ATRN: variants seen among roughly 807,000 people sequenced by gnomAD.
The protein encoded by ATRN is attractin-2.
Under a neutral mutation model 178.7 loss-of-function variants are expected in ATRN, and 54 were observed. The ratio of observed to expected loss-of-function variants is 0.30; its 90% CI spans 0.24 to 0.38. The LOEUF (loss-of-function observed/expected upper bound fraction) is 0.38, where lower values mean the gene tolerates loss of function less well. Among genes scored for constraint, ATRN ranks in the 10% least tolerant of loss-of-function variants. The pLI is 1.00. For missense variants in ATRN, 1,443 were observed against 1,815.1 expected (o/e 0.79, Z 3.73); for synonymous variants, 636 against 663.0 (o/e 0.96, Z 0.63).
chr20:3,538,201 T>C (rs1360696947), intron 2 of ATRN, among the ~76,000 whole-genome samples: 1 of 151,622 alleles, frequency 6.6e-6, no homozygotes, highest in African/African-American at 2.4e-5. Flanking sequence ...TTTTAACTGC[T>C]TAATCAAGAT....
intron 25 of ATRN, among the ~76,000 whole-genome samples, chr20:3,626,557 G>C (rs900754764): frequency 3.9e-5 from 6 of 152,028 alleles, no homozygotes; most frequent in South Asian, 2.1e-4. Flanking sequence ...TTTCTTCTCT[G>C]TCAGTTTCGG....
At chr20:3,511,462 T>G (rs1237966179) in intron 1 of ATRN, among the ~76,000 whole-genome samples, 1 of 151,920 alleles carries the variant, frequency 6.6e-6, no homozygotes, top group Non-Finnish European at 1.5e-5. Context: ...ATAAGCTACA[T>G]TTTCAGTTTG....
intron 25 of ATRN, among the ~76,000 whole-genome samples, 185 bp downstream of exon 25, chr20:3,624,757 CAA>C (rs1363890991): frequency 6.6e-6 from 1 of 152,328 alleles, no homozygotes; most frequent in African/African-American, 2.4e-5. Context: ...TCTAGCATGA[CAA>C]AGTGAAAACG....
intron 1 of ATRN, among the ~76,000 whole-genome samples, chr20:3,495,269 T>G (rs2084862596): frequency 6.6e-6 from 1 of 152,206 alleles, no homozygotes. Flanking sequence ...CTTTAACACT[T>G]AGAAATTACA....
intron 1 of ATRN, among the ~76,000 whole-genome samples, chr20:3,485,270 A>G (rs2084674726): frequency 6.6e-6 from 1 of 152,148 alleles, no homozygotes. Flanking sequence ...CATGCTGCCA[A>G]TAAGTTGTGA....
At chr20:3,572,636 G>A (rs2086141842) in intron 11 of ATRN, 95 bp from the exon 12 acceptor site, 1 of 1,081,556 alleles carries the variant, frequency 9.2e-7, no homozygotes, top group African/African-American at 1.8e-5. Context: ...GGGCAACAGA[G>A]TAAGACCCTG....
intron 23 of ATRN, among the ~76,000 whole-genome samples, chr20:3,603,726 G>T (rs914902155): frequency 6.6e-6 from 1 of 152,070 alleles, no homozygotes; most frequent in Admixed American, 6.6e-5. Context: ...GACCTCAGGT[G>T]ATCCACCCGC....
chr20:3,514,396 C>T (rs6084400), intron 1 of ATRN, among the ~76,000 whole-genome samples: 3 of 151,978 alleles, frequency 2.0e-5, no homozygotes, highest in African/African-American at 7.2e-5. Flanking sequence ...TTATAAAAAC[C>T]TGAAAGAAAA....
Position 3,529,310 on chromosome 20 carries a change from G to A in ATRN, c.411-5943G>A, listed in dbSNP as rs141859057. On this transcript the variant is annotated intron_variant, in intron 1 of 28. Coordinates refer to ENST00000262919, the MANE Select transcript of ATRN (RefSeq NM_139321.3). ...TTGGCAGTTTCTTAAAAATTTAAGT[G>A]CATATCTATACTTTAATCCAGTGAT... is the stretch of plus-strand genomic sequence containing the variant. 2.3e-3 allele frequency among the ~76,000 whole-genome samples: 346 copies of A among 152,254 alleles called. 6 individuals are homozygous for A. In the South Asian group the frequency reaches 0.034, roughly 15 times the overall value.
chr20:3,636,233 A>G (rs1261904902), intron 26 of ATRN, among the ~76,000 whole-genome samples: 2 of 152,256 alleles, frequency 1.3e-5, no homozygotes, highest in Admixed American at 1.3e-4. Context: ...TGACAAAGGT[A>G]GCACCAAAAT....
intron 6 of ATRN, among the ~76,000 whole-genome samples, chr20:3,557,020 T>G (rs531575638): frequency 6.6e-6 from 1 of 152,316 alleles, no homozygotes; most frequent in South Asian, 2.1e-4. Flanking sequence ...TCTGTTTCTT[T>G]CCTTTCTTTT....
chr20:3,499,375 A>T (rs2084924713), intron 1 of ATRN, among the ~76,000 whole-genome samples: 1 of 139,112 alleles, frequency 7.2e-6, no homozygotes, highest in Admixed American at 7.2e-5. Context: ...CGCATCGCCA[A>T]GTCAATCCTA....
chr20:3,614,615 C>T (rs1380044923), intron 24 of ATRN, among the ~76,000 whole-genome samples: 3 of 152,122 alleles, frequency 2.0e-5, no homozygotes, highest in South Asian at 2.1e-4. Flanking sequence ...CTTGGATGTG[C>T]TTTTTTTCTT....
At chr20:3,546,645 C>G (rs1401927724) in intron 4 of ATRN, among the ~76,000 whole-genome samples, 1 of 152,046 alleles carries the variant, frequency 6.6e-6, no homozygotes, top group Non-Finnish European at 1.5e-5. Flanking sequence ...CCAACCTCGG[C>G]CTCCCAAAGT....
At chr20:3,577,034 C>T (rs1490243083) in intron 14 of ATRN, 37 bp downstream of exon 14, 1 of 1,607,382 alleles carries the variant, frequency 6.2e-7, no homozygotes. Flanking sequence ...TGTGTGGGTC[C>T]ATTACTTCAG....
intron 3 of ATRN, among the ~76,000 whole-genome samples, 155 bp downstream of exon 3, chr20:3,540,490 T>C (rs1191831633): frequency 6.6e-6 from 1 of 152,262 alleles, no homozygotes; most frequent in African/African-American, 2.4e-5. Flanking sequence ...ACTTGTGTGT[T>C]AGTGCTAACT....
chr20:3,580,989 C>G (rs1355325726), intron 15 of ATRN, among the ~76,000 whole-genome samples: 1 of 152,164 alleles, frequency 6.6e-6, no homozygotes, highest in Admixed American at 6.5e-5. Context: ...TGCCTGTAAT[C>G]CCAGCATTTT....
intron 14 of ATRN, among the ~76,000 whole-genome samples, chr20:3,578,349 G>A (rs189063981): frequency 1.2e-3 from 181 of 152,316 alleles, no homozygotes; most frequent in African/African-American, 4.1e-3. Flanking sequence ...CATAGGATAA[G>A]TGACCTCAGA....
At chr20:3,570,285 G>A (rs927527123) in intron 11 of ATRN, among the ~76,000 whole-genome samples, 6 of 152,192 alleles carry the variant, frequency 3.9e-5, no homozygotes, top group Admixed American at 3.9e-4. Context: ...AAGAGACTGG[G>A]TTGTTTGTCC....
Sources: allele counts gnomAD v4.1 joint callset (sites outside exome capture counted in the v4.1 genomes callset), GRCh38; gene constraint gnomAD v4.1.1; transcripts MANE v1.5; gene names NCBI Gene and HGNC (gene_info 2026-07-23, HGNC 2026-07-21).